Variants in ZMIZ1 observed in about 807,000 individuals in gnomAD.
ZMIZ1 encodes the protein zinc finger MIZ-type containing 1, also known as zinc finger MIZ domain-containing protein 1.
Under a neutral mutation model 113.9 loss-of-function variants are expected in ZMIZ1, and 17 were observed. The observed-to-expected ratio is 0.15, with a 90% CI of 0.10 to 0.22. The LOEUF is 0.22. Ranked by LOEUF, ZMIZ1 falls within the 10% of genes least tolerant of loss-of-function variation. ZMIZ1 has a pLI of 1.00. For synonymous variants in ZMIZ1, 607 were observed against 603.1 expected (o/e 1.01, Z -0.09); for missense variants, 1,059 against 1,477.8 (o/e 0.72, Z 4.65).
At chr10:79,133,834 G>A (rs1003747077) in intron 2 of ZMIZ1, among the ~76,000 whole-genome samples, 1 of 152,186 alleles carries the variant, frequency 6.6e-6, no homozygotes, top group African/African-American at 2.4e-5. Context: ...ATTCCTCGGA[G>A]CATGCAGTGT....
chr10:79,157,705 G>A (rs1396489625), intron 3 of ZMIZ1, among the ~76,000 whole-genome samples: 1 of 152,208 alleles, frequency 6.6e-6, no homozygotes, highest in Non-Finnish European at 1.5e-5. Flanking sequence ...AGCTTGGTGA[G>A]GTCAGGGAAC....
intron 4 of ZMIZ1, among the ~76,000 whole-genome samples, chr10:79,197,077 C>T (rs375015209): frequency 2.6e-5 from 4 of 152,240 alleles, no homozygotes; most frequent in East Asian, 3.9e-4. Flanking sequence ...GCCCTTTGTC[C>T]TGGTGGGCAG....
intron 6 of ZMIZ1, among the ~76,000 whole-genome samples, chr10:79,215,445 G>A (rs764835778): frequency 4.6e-5 from 7 of 152,002 alleles, no homozygotes; most frequent in East Asian, 1.9e-4. Context: ...GATTACAGGC[G>A]CCTGCCACAC....
At position 79,202,131 on chromosome 10, in the gene ZMIZ1, G is replaced by C. The variant is rs1318232739; in HGVS notation, c.60+439G>C. Among the ~76,000 whole-genome samples, 13 of 140,370 alleles carry C rather than the reference G, an allele frequency of 9.3e-5. No individual in the cohort carries two copies. In the Admixed American group the frequency reaches 9.5e-4, roughly 10 times the overall value. 92.1% of individuals were successfully genotyped at this position (140,370 alleles called of 152,430 possible). On this transcript the variant is annotated intron_variant, in intron 5 of 24. Transcript: ENST00000334512. ...GCCTGTAATCCCAGAACTTTGAGAG[G>C]CCAAGGTAGGAAGATTGTTCGAGCC...
intron 4 of ZMIZ1, among the ~76,000 whole-genome samples, chr10:79,166,062 C>T (rs1413327090): frequency 2.0e-5 from 3 of 147,552 alleles, no homozygotes; most frequent in East Asian, 2.0e-4. Flanking sequence ...CCCATCTCCC[C>T]GTGGCTGTCT....
chr10:79,152,260 A>C (rs1245705692), intron 3 of ZMIZ1, among the ~76,000 whole-genome samples: 1 of 152,190 alleles, frequency 6.6e-6, no homozygotes, highest in Non-Finnish European at 1.5e-5. Context: ...GCACTTTGGG[A>C]GGCTGAGGCA....
At position 79,080,399 on chromosome 10, in the gene ZMIZ1, C is replaced by T. The variant is rs145105661; in HGVS notation, c.-337+11129C>T. ...TCGGCTCACTGCAGCCTCTGCCTCCCGGGTTCAAGAGATTCTCTTGCCTCA... is the reference window on the plus strand; with the variant it reads ...TCGGCTCACTGCAGCCTCTGCCTCCTGGGTTCAAGAGATTCTCTTGCCTCA... On this transcript the variant is annotated intron_variant, in intron 1 of 24. Transcript: ENST00000334512. Among the ~76,000 whole-genome samples, 747 of 150,340 alleles carry T rather than the reference C, an allele frequency of 5.0e-3. 8 individuals carry two copies. The highest frequency in any genetic ancestry group is 0.017 in the African/African-American group (706 of 40,742).
At chr10:79,133,638 G>A (rs776602039) in intron 2 of ZMIZ1, among the ~76,000 whole-genome samples, 4 of 152,134 alleles carry the variant, frequency 2.6e-5, no homozygotes, top group South Asian at 2.1e-4. Flanking sequence ...GGGGACCTTG[G>A]TAGTGCATTT....
Position 79,296,860 on chromosome 10 carries a change from G to C in ZMIZ1, c.1413+207G>C. The C allele has an allele frequency of 2.4e-6, 1 of 417,540 alleles. No individual in the cohort carries two copies. Among genetic ancestry groups the C allele is most frequent in the Non-Finnish European group, 4.2e-6 (1 of 236,670 alleles). 25.9% of individuals were successfully genotyped at this position (417,540 alleles called of 1,614,324 possible). A position where few individuals can be genotyped will look rare whatever the true frequency, so the allele number is the denominator to read the frequency against. On this transcript the variant is annotated intron_variant, in intron 13 of 24. Coordinates refer to ENST00000334512, the MANE Select transcript of ZMIZ1 (RefSeq NM_020338.4). This position sits in a 1 kb window ranked among gnomAD's most constrained non-coding sequence, Gnocchi z 4.1. ...CTTTTCTCAGTTCCTATTCTCATTCGTCTCGGATGATGGTTTTTTTTTCTC... is the reference window on the plus strand; with the variant it reads ...CTTTTCTCAGTTCCTATTCTCATTCCTCTCGGATGATGGTTTTTTTTTCTC...
At chr10:79,301,893 G>A (rs1854325075) in intron 17 of ZMIZ1, among the ~76,000 whole-genome samples, 1 of 152,148 alleles carries the variant, frequency 6.6e-6, no homozygotes, top group East Asian at 1.9e-4. Context: ...CCTTATCCAG[G>A]GAGTATTTCA....
chr10:79,304,317 T>G lies in ZMIZ1; in HGVS notation c.2286+142T>G, dbSNP rs1449719755. The G allele has an allele frequency of 1.0e-5, 12 of 1,169,146 alleles. No homozygotes were observed. In the African/African-American group the frequency reaches 1.9e-4, roughly 18 times the overall value. The allele number at this position is 1,169,146 out of a possible 1,614,324, so 72.4% of individuals were successfully genotyped here. A position where few individuals can be genotyped will look rare whatever the true frequency, so the allele number is the denominator to read the frequency against. ...GAGATCAGCAGCTGGCGTCACTCAT[T>G]AATTTCCGCCATCATTTATCTTTGA... On this transcript the variant is annotated intron_variant, in intron 19 of 24. Coordinates refer to ENST00000334512, the MANE Select transcript of ZMIZ1 (RefSeq NM_020338.4).
At chr10:79,148,531 C>G (rs1207569316) in intron 3 of ZMIZ1, among the ~76,000 whole-genome samples, 1 of 152,206 alleles carries the variant, frequency 6.6e-6, no homozygotes, top group Non-Finnish European at 1.5e-5. Flanking sequence ...CTCGTGTGCT[C>G]AGGCTGTTCT....
chr10:79,186,670 T>C (rs1315282606), intron 4 of ZMIZ1, among the ~76,000 whole-genome samples: 2 of 152,170 alleles, frequency 1.3e-5, no homozygotes, highest in Non-Finnish European at 2.9e-5. Flanking sequence ...AAATCACAGG[T>C]CAGAAGTAGC....
chr10:79,109,644 C>A (rs888068605), intron 1 of ZMIZ1, among the ~76,000 whole-genome samples: 1 of 152,208 alleles, frequency 6.6e-6, no homozygotes, highest in African/African-American at 2.4e-5. Context: ...ATGCACTCGC[C>A]CATATTCTGT....
At chr10:79,088,214 G>A (rs1041238436) in intron 1 of ZMIZ1, among the ~76,000 whole-genome samples, 1 of 152,240 alleles carries the variant, frequency 6.6e-6, no homozygotes, top group African/African-American at 2.4e-5. Context: ...AAGCTACTGG[G>A]TCTGAGGATA....
chr10:79,161,141 T>C (rs1846101714), intron 3 of ZMIZ1, among the ~76,000 whole-genome samples: 1 of 152,210 alleles, frequency 6.6e-6, no homozygotes, highest in Non-Finnish European at 1.5e-5. Context: ...ACACTCCCAG[T>C]GCACCCGCAG....
At position 79,311,286 on chromosome 10, in the gene ZMIZ1, GAGGT is replaced by G; in HGVS notation, c.3096+103_3096+106del. On this transcript the variant is annotated intron_variant, in intron 24 of 24. Transcript: ENST00000334512. ...TGAGGGCTCGAGGCCCCGAAGGGAGGAGGTGGGTGGGCGGTGGGAGGGCTTCACC... is the reference window on the plus strand; with the variant it reads ...TGAGGGCTCGAGGCCCCGAAGGGAGGGGGTGGGCGGTGGGAGGGCTTCACC... 1.3e-5 allele frequency: 12 copies of G among 911,090 alleles called. No individual in the cohort carries two copies. The East Asian group carries it at 2.2e-4, about 17-fold the overall frequency. The allele number at this position is 911,090 out of a possible 1,614,324, so 56.4% of individuals were successfully genotyped here.
chr10:79,292,041 C>A, intron 10 of ZMIZ1, 117 bp from the exon 11 acceptor site: 1 of 1,025,552 alleles, frequency 9.8e-7, no homozygotes, highest in Non-Finnish European at 1.5e-6. Flanking sequence ...CCCAAGAGGC[C>A]CCGTCCCCTC....
intron 17 of ZMIZ1, among the ~76,000 whole-genome samples, chr10:79,301,406 G>C (rs971805396): frequency 1.3e-5 from 2 of 152,016 alleles, no homozygotes; most frequent in Non-Finnish European, 2.9e-5. Context: ...TTGTCTTAGA[G>C]TCACGTATGG....
Sources: allele counts gnomAD v4.1 joint callset (sites outside exome capture counted in the v4.1 genomes callset), GRCh38; gene constraint gnomAD v4.1.1; non-coding constraint Gnocchi (gnomAD v3.1); transcripts MANE v1.5; gene names NCBI Gene and HGNC (gene_info 2026-07-23, HGNC 2026-07-21).